Variants in PCSK6 observed in about 807,000 individuals in gnomAD.
PCSK6 encodes the protein paired basic amino acid cleaving enzyme 4.
PCSK6 carries 85 observed loss-of-function variants against 123.3 expected under a neutral mutation model. The ratio of observed to expected loss-of-function variants is 0.69; its 90% CI spans 0.58 to 0.83. The LOEUF (loss-of-function observed/expected upper bound fraction) is 0.83. Ranked by LOEUF, PCSK6 falls within the 40% of genes least tolerant of loss-of-function variation. PCSK6 has a pLI of 0.00. For missense variants in PCSK6, 1,191 were observed against 1,282.3 expected (o/e 0.93, Z 1.09); for synonymous variants, 508 against 516.0 (o/e 0.98, Z 0.21).
At chr15:101,415,692 T>C (rs1219598860) in intron 6 of PCSK6, among the ~76,000 whole-genome samples, 2 of 152,202 alleles carry the variant, frequency 1.3e-5, no homozygotes, top group Non-Finnish European at 2.9e-5. Flanking sequence ...TTCCCACATG[T>C]TGTGGGAGGG....
At chr15:101,382,267 G>T in intron 10 of PCSK6, 58 bp from the exon 11 acceptor site, 1 of 1,353,444 alleles carries the variant, frequency 7.4e-7, no homozygotes, top group South Asian at 1.3e-5. Context: ...AAGGGAGCAA[G>T]GCTGGCTCTT....
intron 13 of PCSK6, among the ~76,000 whole-genome samples, chr15:101,340,030 T>C (rs183357124): frequency 1.3e-5 from 2 of 152,232 alleles, no homozygotes; most frequent in East Asian, 3.9e-4. Context: ...AAACACATTA[T>C]TAAAATACAC....
At chr15:101,418,076 A>G (rs1489974475) in intron 6 of PCSK6, among the ~76,000 whole-genome samples, 4 of 152,194 alleles carry the variant, frequency 2.6e-5, no homozygotes, top group Non-Finnish European at 5.9e-5. Flanking sequence ...AATTACGAGC[A>G]TATGATATTG....
chr15:101,403,376 C>A (rs561375624), intron 6 of PCSK6, among the ~76,000 whole-genome samples: 1 of 149,396 alleles, frequency 6.7e-6, no homozygotes, highest in Non-Finnish European at 1.5e-5. Flanking sequence ...ACATATGTAA[C>A]TAACCTGCAC....
chr15:101,340,004 T>C (rs2040564799), intron 13 of PCSK6, among the ~76,000 whole-genome samples: 1 of 151,952 alleles, frequency 6.6e-6, no homozygotes, highest in Non-Finnish European at 1.5e-5. Context: ...AACAGAAATA[T>C]CAACCTTTAC....
chr15:101,398,383 T>C lies in PCSK6; in HGVS notation c.996+21A>G. The stretch of plus-strand genomic sequence containing the variant: ...TCACCCTTGTCCCAGAGCGCTCCCC[T>C]GTAGCCCTGGTTACTCACACCTTTT... On this transcript the variant is annotated intron_variant, in intron 7 of 21. Coordinates refer to ENST00000611716, the MANE Select transcript of PCSK6 (RefSeq NM_002570.5). This position sits in a 1 kb window ranked among gnomAD's most constrained non-coding sequence, Gnocchi z 4.6. The C allele has an allele frequency of 1.3e-6, 2 of 1,597,698 alleles. No individual in the cohort carries two copies. Among genetic ancestry groups the C allele is most frequent in the Non-Finnish European group, 1.7e-6 (2 of 1,168,628 alleles).
intron 13 of PCSK6, among the ~76,000 whole-genome samples, chr15:101,348,849 G>A (rs2040816331): frequency 6.6e-6 from 1 of 152,156 alleles, no homozygotes. Context: ...ACACCACCCT[G>A]AGGTCCAAAT....
At chr15:101,345,895 T>C (rs1427678453) in intron 13 of PCSK6, among the ~76,000 whole-genome samples, 1 of 152,220 alleles carries the variant, frequency 6.6e-6, no homozygotes, top group Non-Finnish European at 1.5e-5. Flanking sequence ...CTCAAACTCC[T>C]GACCTCAGGT....
chr15:101,436,549 G>A (rs2056607168), intron 2 of PCSK6, among the ~76,000 whole-genome samples: 1 of 152,230 alleles, frequency 6.6e-6, no homozygotes, highest in Admixed American at 6.5e-5. Flanking sequence ...TATCAAGGGA[G>A]GGAGTCGGAG....
chr15:101,413,280 G>T (rs1322008017), intron 6 of PCSK6, among the ~76,000 whole-genome samples: 1 of 151,962 alleles, frequency 6.6e-6, no homozygotes, highest in Non-Finnish European at 1.5e-5. Flanking sequence ...TATAAAGGAA[G>T]GTAAGGTTTC....
At chr15:101,411,453 C>T (rs7174320) in intron 6 of PCSK6, among the ~76,000 whole-genome samples, 2,849 of 152,234 alleles carry the variant, frequency 0.019, 102 homozygotes, top group African/African-American at 0.065. Context: ...GCTCCCTCCA[C>T]TCCACATCAC....
At chr15:101,391,806 C>G (rs1325047654) in intron 8 of PCSK6, among the ~76,000 whole-genome samples, 3 of 89,526 alleles carry the variant, frequency 3.4e-5, no homozygotes, top group African/African-American at 1.5e-4. Context: ...AATAACACCC[C>G]TCCTGTCAGA....
In PCSK6 at chr15:101,304,609, G is replaced by A. The variant is rs2039681566; in HGVS notation, c.*649C>T. 1 of 152,346 alleles carries A rather than the reference G, an allele frequency of 6.6e-6. No individual in the cohort carries two copies. Among genetic ancestry groups the A allele is most frequent in the Non-Finnish European group, 1.5e-5 (1 of 68,136 alleles). 9.4% of individuals were successfully genotyped at this position (152,346 alleles called of 1,614,324 possible). On this transcript the variant is annotated 3_prime_UTR_variant, in exon 22 of 22. Transcript: ENST00000611716. ...GGCTTGCTCAAAGGAGAGCGCTGCGGGGGATAGAATCTTCTGGTCTGGCTT... is the reference window on the plus strand; with the variant it reads ...GGCTTGCTCAAAGGAGAGCGCTGCGAGGGATAGAATCTTCTGGTCTGGCTT...
chr15:101,332,828 G>T (rs949328074), intron 13 of PCSK6, among the ~76,000 whole-genome samples: 1 of 152,214 alleles, frequency 6.6e-6, no homozygotes. Context: ...GCAGCTGTCT[G>T]TTCTCAGGTA....
At chr15:101,312,860 C>T (rs543979119) in intron 20 of PCSK6, among the ~76,000 whole-genome samples, 1 of 151,680 alleles carries the variant, frequency 6.6e-6, no homozygotes, top group Admixed American at 6.6e-5. Context: ...CAAAAATTAG[C>T]TGGGCATTGT....
chr15:101,305,434 G>T lies in PCSK6; in HGVS notation c.2813-79C>A. 1 of 1,213,084 alleles carries T rather than the reference G, an allele frequency of 8.2e-7. No homozygotes were observed. The highest frequency in any genetic ancestry group is 1.2e-6 in the Non-Finnish European group (1 of 848,632). 75.1% of individuals were successfully genotyped at this position (1,213,084 alleles called of 1,614,324 possible). The stretch of plus-strand genomic sequence containing the variant: ...TGTGAAGATTGTTTCAAGGCCGGGC[G>T]CGGTGCCTCATGCCTGTAATCCCAG... On this transcript the variant is annotated intron_variant, in intron 21 of 21. Transcript: ENST00000611716. This position sits in a 1 kb window ranked among gnomAD's most constrained non-coding sequence, Gnocchi z 4.8.
At chr15:101,373,752 A>C (rs1464784314) in intron 11 of PCSK6, among the ~76,000 whole-genome samples, 1 of 152,250 alleles carries the variant, frequency 6.6e-6, no homozygotes, top group African/African-American at 2.4e-5. Context: ...AAAAAACAGA[A>C]GTGGTTCTCC....
chr15:101,358,960 G>A (rs933537131), intron 13 of PCSK6, among the ~76,000 whole-genome samples: 4 of 152,200 alleles, frequency 2.6e-5, no homozygotes, highest in African/African-American at 9.6e-5. Context: ...GTGGAGAGAT[G>A]CTGGTGGGAC....
At chr15:101,326,873 T>C (rs1237305285) in intron 15 of PCSK6, among the ~76,000 whole-genome samples, 8 of 152,180 alleles carry the variant, frequency 5.3e-5, no homozygotes, top group Admixed American at 2.0e-4. Flanking sequence ...CCAGCACCTT[T>C]GACTTCCACG....
Sources: gnomAD v4.1 joint callset for allele counts (sites outside exome capture counted in the v4.1 genomes callset) on GRCh38, gnomAD v4.1.1 for gene constraint, Gnocchi (gnomAD v3.1) non-coding constraint, MANE v1.5 for transcripts, NCBI Gene and HGNC (gene_info 2026-07-23, HGNC 2026-07-21) for gene names.